Variants in CHD6 observed in about 807,000 individuals in gnomAD.
CHD6 encodes chromodomain helicase DNA binding protein 6, also known as ATP-dependent chromatin remodeler CHD6.
A neutral mutation model predicts 276.9 loss-of-function variants in CHD6; 50 were observed. The observed-to-expected ratio is 0.18, with a 90% CI of 0.14 to 0.23. CHD6 has a LOEUF of 0.23. Among genes scored for constraint, CHD6 ranks in the 10% least tolerant of loss-of-function variants. CHD6 has a pLI of 1.00. For synonymous variants in CHD6, 1,173 were observed against 1,229.3 expected, an observed-to-expected ratio of 0.95 and a Z score of 0.96; for missense variants, 2,564 against 3,365.8, an observed-to-expected ratio of 0.76 and a Z score of 5.89.
chr20:41,607,147 C>A (rs1425205308), intron 1 of CHD6, among the ~76,000 whole-genome samples: 1 of 152,194 alleles, frequency 6.6e-6, no homozygotes, highest in East Asian at 1.9e-4. Flanking sequence ...CTCTGAGCCC[C>A]CAGCAACACA....
At chr20:41,562,629 AG>A (rs1429811268) in intron 1 of CHD6, among the ~76,000 whole-genome samples, 1 of 152,194 alleles carries the variant, frequency 6.6e-6, no homozygotes, top group Non-Finnish European at 1.5e-5. Context: ...AAGTCTGTAT[AG>A]GTAAATTTCT....
At chr20:41,433,045 G>A (rs1305481681) in intron 27 of CHD6, among the ~76,000 whole-genome samples, 1 of 141,970 alleles carries the variant, frequency 7.0e-6, no homozygotes, top group Non-Finnish European at 1.5e-5. Context: ...TGACCTCAAA[G>A]ACAGAAAAAT....
chr20:41,588,314 C>G (rs574593978), intron 1 of CHD6, among the ~76,000 whole-genome samples: 1 of 152,314 alleles, frequency 6.6e-6, no homozygotes, highest in South Asian at 2.1e-4. Flanking sequence ...TGCGCTGGCA[C>G]TGCTTTAAGT....
intron 16 of CHD6, among the ~76,000 whole-genome samples, chr20:41,482,027 T>G (rs1644538764): frequency 1.3e-5 from 2 of 151,912 alleles, no homozygotes; most frequent in African/African-American, 4.8e-5. Context: ...AACTACAATC[T>G]TAAGTAATTT....
In CHD6 at chr20:41,487,652, G is replaced by A. The variant is rs2043450058; in HGVS notation, c.2001+13C>T. On this transcript the variant is annotated intron_variant, in intron 14 of 36. Transcript: ENST00000373233. ...ATCACACTGTCTCCTCAATTCTTTG[G>A]GTCCCTAATTACCTGCTCCTCTGTT... 6.3e-7 allele frequency: 1 copy of A among 1,591,004 alleles called. No individual in the cohort carries two copies. The highest frequency in any genetic ancestry group is 8.5e-7 in the Non-Finnish European group (1 of 1,173,774).
intron 27 of CHD6, among the ~76,000 whole-genome samples, chr20:41,432,933 T>G (rs1266988078): frequency 2.6e-5 from 4 of 152,014 alleles, no homozygotes; most frequent in Admixed American, 6.6e-5. Flanking sequence ...AATTTTAGGT[T>G]TGAAAAGTAC....
At chr20:41,472,004 C>T (rs905124135) in intron 17 of CHD6, among the ~76,000 whole-genome samples, 10 of 151,870 alleles carry the variant, frequency 6.6e-5, no homozygotes, top group African/African-American at 1.2e-4. Context: ...GAGGCCGAGG[C>T]GGGCGGATCA....
At chr20:41,495,445 A>G (rs1209154676) in intron 8 of CHD6, among the ~76,000 whole-genome samples, 1 of 152,166 alleles carries the variant, frequency 6.6e-6, no homozygotes, top group Non-Finnish European at 1.5e-5. Flanking sequence ...GGTGGTTGCC[A>G]GGGATGAAGG....
chr20:41,406,050 G>C (rs1277990530), intron 36 of CHD6, among the ~76,000 whole-genome samples: 1 of 152,178 alleles, frequency 6.6e-6, no homozygotes, highest in Admixed American at 6.5e-5. Flanking sequence ...CCTATCTTTA[G>C]AGTCACGGAA....
At chr20:41,430,923 G>A (rs1003152062) in intron 27 of CHD6, among the ~76,000 whole-genome samples, 1 of 145,496 alleles carries the variant, frequency 6.9e-6, no homozygotes, top group East Asian at 2.0e-4. Flanking sequence ...GTGGTGGCTC[G>A]ATCTTGGCTC....
At position 41,547,089 on chromosome 20, in the gene CHD6, G is replaced by C. The variant is rs144291984; in HGVS notation, c.33+4216C>G. Among the ~76,000 whole-genome samples, 368 of 152,278 alleles carry C rather than the reference G, an allele frequency of 2.4e-3. 2 individuals carry two copies. The highest frequency in any genetic ancestry group is 3.2e-3 in the Non-Finnish European group (218 of 68,028). On this transcript the variant is annotated intron_variant, in intron 2 of 36. Coordinates refer to ENST00000373233, the MANE Select transcript of CHD6 (RefSeq NM_032221.5). ...CATGCCATTTTTCTCCAGGGAAGAGGAAAGTGAATTAATAGGAATGAGGGT... is the reference window on the plus strand; with the variant it reads ...CATGCCATTTTTCTCCAGGGAAGAGCAAAGTGAATTAATAGGAATGAGGGT...
At chr20:41,568,865 C>G (rs767809930) in intron 1 of CHD6, among the ~76,000 whole-genome samples, 11 of 152,172 alleles carry the variant, frequency 7.2e-5, no homozygotes, top group African/African-American at 2.4e-4. Flanking sequence ...CTCCTAAGAG[C>G]TGTTCAACTC....
At chr20:41,580,294 C>T (rs2146231209) in intron 1 of CHD6, among the ~76,000 whole-genome samples, 1 of 152,118 alleles carries the variant, frequency 6.6e-6, no homozygotes, top group Non-Finnish European at 1.5e-5. Context: ...AATATTGTAC[C>T]TTAACAATAT....
chr20:41,412,091 G>A, intron 36 of CHD6, 53 bp downstream of exon 36: 2 of 1,606,132 alleles, frequency 1.2e-6, no homozygotes, highest in Non-Finnish European at 1.7e-6. Context: ...GTAAGGCACG[G>A]CTCAACCAGG....
At chr20:41,445,349 G>T (rs1171193917) in intron 25 of CHD6, among the ~76,000 whole-genome samples, 1 of 151,492 alleles carries the variant, frequency 6.6e-6, no homozygotes, top group Non-Finnish European at 1.5e-5. Context: ...TGTCTACTAT[G>T]TGCCATGCAC....
At chr20:41,505,837 C>T (rs2043963824) in intron 5 of CHD6, among the ~76,000 whole-genome samples, 1 of 152,062 alleles carries the variant, frequency 6.6e-6, no homozygotes, top group African/African-American at 2.4e-5. Flanking sequence ...TATGCCATCT[C>T]CACTTGAGTA....
At chr20:41,489,592 T>C (rs1156864668) in intron 12 of CHD6, among the ~76,000 whole-genome samples, 186 bp downstream of exon 12, 1 of 152,190 alleles carries the variant, frequency 6.6e-6, no homozygotes, top group Non-Finnish European at 1.5e-5. Context: ...TGCCCTACAA[T>C]CCTGTGTTGT....
chr20:41,595,385 G>A (rs578173057), intron 1 of CHD6, among the ~76,000 whole-genome samples: 83 of 152,204 alleles, frequency 5.5e-4, no homozygotes, highest in Middle Eastern at 6.8e-3. Context: ...GGTGGGGCAC[G>A]CCTTTCCTGT....
chr20:41,412,891 G>A (rs1293322331), intron 35 of CHD6, among the ~76,000 whole-genome samples: 2 of 151,994 alleles, frequency 1.3e-5, no homozygotes, highest in East Asian at 3.9e-4. Flanking sequence ...CCCAACCACC[G>A]CAAATGGAAT....
Sources: gnomAD v4.1 joint callset for allele counts (sites outside exome capture counted in the v4.1 genomes callset) on GRCh38, gnomAD v4.1.1 for gene constraint, MANE v1.5 for transcripts, NCBI Gene and HGNC (gene_info 2026-07-23, HGNC 2026-07-21) for gene names.